The following PLCL1 variants were observed in gnomAD, a reference collection of about 807,000 sequenced individuals.
PLCL1 encodes the protein phospholipase C like 1 (inactive).
In PLCL1, 41 loss-of-function variants were observed where a neutral mutation model predicts 84.4. The ratio of observed to expected loss-of-function variants is 0.49; its 90% CI spans 0.38 to 0.63. The LOEUF (loss-of-function observed/expected upper bound fraction) is 0.63. Among genes scored for constraint, PLCL1 ranks in the 30% least tolerant of loss-of-function variants. The pLI is 0.00. For missense variants in PLCL1, 1,206 were observed against 1,367.8 expected, an observed-to-expected ratio of 0.88 and a Z score of 1.87; for synonymous variants, 490 against 488.3, an observed-to-expected ratio of 1.00 and a Z score of -0.05.
chr2:197,952,504 C>T (rs548309611), intron 1 of PLCL1, among the ~76,000 whole-genome samples: 19 of 152,222 alleles, frequency 1.2e-4, no homozygotes, highest in African/African-American at 2.9e-4. Flanking sequence ...CAGCAGTAAA[C>T]GTCATTAAAT....
intron 1 of PLCL1, among the ~76,000 whole-genome samples, chr2:197,817,651 T>A (rs1251294654): frequency 1.3e-5 from 2 of 152,086 alleles, no homozygotes; most frequent in Non-Finnish European, 2.9e-5. Flanking sequence ...GACATCGTCA[T>A]CAAAGTAAGA....
rs191829208 is a variant in PLCL1, at chr2:198,098,962, A to G, written c.2920-2323A>G. 1.5e-3 allele frequency among the ~76,000 whole-genome samples: 232 copies of G among 152,286 alleles called. 1 individual carries two copies. Among genetic ancestry groups the G allele is most frequent in the Non-Finnish European group, 2.6e-3 (180 of 68,026 alleles). ...ACATCTAATGCATAAAGTAATGTCA[A>G]CCTTTATCTGGGCAAGTCCTCTATT... On this transcript the variant is annotated intron_variant, in intron 3 of 5. Coordinates refer to ENST00000428675, the MANE Select transcript of PLCL1 (RefSeq NM_006226.4).
intron 1 of PLCL1, among the ~76,000 whole-genome samples, chr2:197,950,520 C>G (rs1289111619): frequency 6.6e-6 from 1 of 152,034 alleles, no homozygotes; most frequent in African/African-American, 2.4e-5. Flanking sequence ...TATGGTATAT[C>G]AGGTAACTTT....
At chr2:197,912,124 T>TGTCTG (rs1241391123) in intron 1 of PLCL1, among the ~76,000 whole-genome samples, 1 of 152,170 alleles carries the variant, frequency 6.6e-6, no homozygotes, top group East Asian at 1.9e-4. Flanking sequence ...AAGAAGGTGC[T>TGTCTG]GTCTGGAATC....
chr2:197,999,673 A>G (rs1690554066), intron 1 of PLCL1, among the ~76,000 whole-genome samples: 1 of 152,196 alleles, frequency 6.6e-6, no homozygotes, highest in South Asian at 2.1e-4. Flanking sequence ...TAACAAAGAA[A>G]TACCCCATCT....
chr2:198,041,821 A>G (rs1259726193), intron 1 of PLCL1, among the ~76,000 whole-genome samples: 1 of 152,192 alleles, frequency 6.6e-6, no homozygotes, highest in Non-Finnish European at 1.5e-5. Flanking sequence ...AGGTGAAGAG[A>G]GCAAAGGTAA....
chr2:197,930,903 G>C (rs1009342549), intron 1 of PLCL1, among the ~76,000 whole-genome samples: 1 of 152,140 alleles, frequency 6.6e-6, no homozygotes, highest in Admixed American at 6.6e-5. Context: ...CTATGATCTT[G>C]TTTTCTATAA....
At chr2:197,809,552 A>G (rs895704602) in intron 1 of PLCL1, among the ~76,000 whole-genome samples, 2 of 152,086 alleles carry the variant, frequency 1.3e-5, no homozygotes, top group African/African-American at 2.4e-5. Context: ...GTCTTTGGCT[A>G]TTTTGTTAGG....
chr2:198,008,912 G>A (rs1690799783), intron 1 of PLCL1, among the ~76,000 whole-genome samples: 1 of 151,934 alleles, frequency 6.6e-6, no homozygotes. Context: ...AGTATGAGGT[G>A]ATATTTCATT....
chr2:198,099,531 T>A (rs1440379084), intron 3 of PLCL1, among the ~76,000 whole-genome samples: 1 of 151,968 alleles, frequency 6.6e-6, no homozygotes, highest in Non-Finnish European at 1.5e-5. Context: ...TCAAATCCCC[T>A]TATGAAACAA....
chr2:197,939,668 T>C (rs1163565589), intron 1 of PLCL1, among the ~76,000 whole-genome samples: 3 of 150,048 alleles, frequency 2.0e-5, no homozygotes, highest in Non-Finnish European at 4.4e-5. Flanking sequence ...ATAACCCATC[T>C]CCAAATACAG....
At chr2:197,932,890 G>A (rs534397570) in intron 1 of PLCL1, among the ~76,000 whole-genome samples, 1 of 152,146 alleles carries the variant, frequency 6.6e-6, no homozygotes, top group South Asian at 2.1e-4. Context: ...GAGATCACCT[G>A]AAACTGGGAG....
intron 2 of PLCL1, among the ~76,000 whole-genome samples, chr2:198,088,455 G>A (rs1692939682): frequency 2.0e-5 from 3 of 152,236 alleles, no homozygotes; most frequent in African/African-American, 7.2e-5. Context: ...AGTGACAAAG[G>A]AATGCCATTG....
At chr2:198,017,284 A>G (rs771145033) in intron 1 of PLCL1, among the ~76,000 whole-genome samples, 15 of 152,166 alleles carry the variant, frequency 9.9e-5, no homozygotes, top group Non-Finnish European at 1.8e-4. Flanking sequence ...TTCCTCCTAC[A>G]CAGTCGAGAA....
chr2:198,027,067 G>A (rs1691285571), intron 1 of PLCL1, among the ~76,000 whole-genome samples: 2 of 152,058 alleles, frequency 1.3e-5, no homozygotes, highest in African/African-American at 2.4e-5. Context: ...GCACTCCCAC[G>A]TTCATTACGC....
chr2:197,834,887 G>A (rs1340561598), intron 1 of PLCL1, among the ~76,000 whole-genome samples: 1 of 152,144 alleles, frequency 6.6e-6, no homozygotes, highest in African/African-American at 2.4e-5. Context: ...TAGCAAAGAC[G>A]TGGAACTAAC....
At chr2:198,077,090 G>A (rs940439430) in intron 1 of PLCL1, among the ~76,000 whole-genome samples, 1 of 152,050 alleles carries the variant, frequency 6.6e-6, no homozygotes, top group Non-Finnish European at 1.5e-5. Flanking sequence ...CCTGTTATTC[G>A]GTCTCATTTG....
At chr2:197,949,289 C>G (rs1689342825) in intron 1 of PLCL1, among the ~76,000 whole-genome samples, 1 of 152,120 alleles carries the variant, frequency 6.6e-6, no homozygotes, top group African/African-American at 2.4e-5. Flanking sequence ...TGTTCCCAGA[C>G]TATATTCAGA....
intron 5 of PLCL1, among the ~76,000 whole-genome samples, chr2:198,111,323 C>A (rs1693616189): frequency 6.6e-6 from 1 of 151,848 alleles, no homozygotes; most frequent in Non-Finnish European, 1.5e-5. Context: ...TCTTTAAAAG[C>A]TTCTGCCCAG....
Sources: gnomAD v4.1 joint callset for allele counts (sites outside exome capture counted in the v4.1 genomes callset) on GRCh38, gnomAD v4.1.1 for gene constraint, MANE v1.5 for transcripts, NCBI Gene and HGNC (gene_info 2026-07-23, HGNC 2026-07-21) for gene names.